HDX: variants seen among roughly 807,000 people sequenced by gnomAD.
The protein encoded by HDX is highly divergent homeobox.
HDX carries 19 observed loss-of-function variants against 45.2 expected under a neutral mutation model. The ratio of observed to expected loss-of-function variants is 0.42; its 90% CI spans 0.29 to 0.62. The LOEUF (loss-of-function observed/expected upper bound fraction) is 0.62. Among genes scored for constraint, HDX ranks in the 20% least tolerant of loss-of-function variants. HDX has a pLI of 0.20. For synonymous variants in HDX, 188 were observed against 172.8 expected (o/e 1.09, Z -0.69); for missense variants, 532 against 493.9 (o/e 1.08, Z -0.73).
At chrX:84,349,898 A>C (rs1342060731) in intron 6 of HDX, among the ~76,000 whole-genome samples, 1 of 109,735 alleles carries the variant, frequency 9.1e-6, no homozygotes, top group African/African-American at 3.3e-5. Flanking sequence ...AATAATAGAC[A>C]ATGAAAACTC....
intron 5 of HDX, among the ~76,000 whole-genome samples, chrX:84,398,056 A>G (rs891754873): frequency 9.1e-6 from 1 of 109,877 alleles, no homozygotes; most frequent in Admixed American, 9.8e-5. Context: ...AAGGAAGAGC[A>G]GTGTGGTGCG....
At position 84,340,293 on chromosome X, in the gene HDX, A is replaced by AT. The variant is rs779309008; in HGVS notation, c.1661-3414dup. Among the ~76,000 whole-genome samples, 339 of 111,080 alleles carry AT rather than the reference A, an allele frequency of 3.1e-3. 2 individuals carry two copies. The highest frequency in any genetic ancestry group is 0.011 in the African/African-American group (325 of 30,692). ...AAAATCTTAATTTTTGCTTATACAG[A>AT]TTTTTCTAGAATATTTTAATGTGAT... On this transcript the variant is annotated intron_variant, in intron 7 of 10. Coordinates refer to ENST00000373177, the MANE Select transcript of HDX (RefSeq NM_001177479.2).
At chrX:84,382,111 TC>T (rs770340421) in intron 5 of HDX, among the ~76,000 whole-genome samples, 2 of 111,609 alleles carry the variant, frequency 1.8e-5, no homozygotes, top group South Asian at 7.4e-4. Flanking sequence ...ACATCACTGA[TC>T]CTCAGAGAAA....
chrX:84,325,306 A>T (rs916115624), intron 10 of HDX, among the ~76,000 whole-genome samples: 1 of 111,285 alleles, frequency 9.0e-6, no homozygotes, highest in African/African-American at 3.3e-5. Flanking sequence ...TAAGAGATGA[A>T]TATTTGTACT....
chrX:84,464,824 T>C (rs188701890), intron 4 of HDX, among the ~76,000 whole-genome samples: 34 of 111,595 alleles, frequency 3.0e-4, no homozygotes, highest in Admixed American at 2.8e-3. Context: ...AATTGACAAA[T>C]GGCATCTAAT....
At chrX:84,374,021 G>T (rs79539058) in intron 5 of HDX, among the ~76,000 whole-genome samples, 25,537 of 107,812 alleles carry the variant, frequency 0.24, 2,883 homozygotes, top group Admixed American at 0.36. Flanking sequence ...CATTGTCTCA[G>T]CCCAAAATCT....
intron 2 of HDX, among the ~76,000 whole-genome samples, chrX:84,475,852 G>A (rs1288202400): frequency 9.0e-6 from 1 of 111,484 alleles, no homozygotes; most frequent in African/African-American, 3.3e-5. Context: ...TGGAACAAAA[G>A]GGTGCGTTTA....
chrX:84,402,164 A>G (rs141041157), intron 5 of HDX, among the ~76,000 whole-genome samples: 148 of 111,731 alleles, frequency 1.3e-3, no homozygotes, highest in African/African-American at 4.6e-3. Context: ...TACCTATGTA[A>G]CAAACCTGCA....
intron 7 of HDX, among the ~76,000 whole-genome samples, chrX:84,338,257 C>A (rs2037009121): frequency 9.1e-6 from 1 of 110,431 alleles, no homozygotes; most frequent in South Asian, 3.8e-4. Context: ...GAAAATCTTA[C>A]CAGAATTTTG....
chrX:84,425,002 G>C (rs1175924147), intron 5 of HDX, among the ~76,000 whole-genome samples: 1 of 111,082 alleles, frequency 9.0e-6, no homozygotes, highest in African/African-American at 3.3e-5. Flanking sequence ...GCACAGCAAA[G>C]GAAACAATCA....
At chrX:84,422,468 A>C (rs1475651364) in intron 5 of HDX, among the ~76,000 whole-genome samples, 1 of 110,826 alleles carries the variant, frequency 9.0e-6, no homozygotes, top group Non-Finnish European at 1.9e-5. Context: ...AGCAGAAGAG[A>C]TCAAATGCAA....
At position 84,319,483 on chromosome X, in the gene HDX, CT is replaced by C. The variant is rs1252565320; in HGVS notation, c.*2405del. 1.8e-5 allele frequency: 2 copies of C among 111,499 alleles called. No homozygotes were observed. Among genetic ancestry groups the C allele is most frequent in the African/African-American group, 6.5e-5 (2 of 30,895 alleles). The allele number at this position is 111,499 out of a possible 1,213,427, so 9.2% of individuals were successfully genotyped here. A position where few individuals can be genotyped will look rare whatever the true frequency, so the allele number is the denominator to read the frequency against. The stretch of plus-strand genomic sequence containing the variant: ...CTTTTTCTATAGATAGAGGTATTTC[CT>C]TCAGTTCCTGCTACAGAATAGCCAC... On this transcript the variant is annotated 3_prime_UTR_variant, in exon 11 of 11. Transcript: ENST00000373177.
Position 84,457,183 on chromosome X carries a change from A to G in HDX, c.1251+11289T>C, listed in dbSNP as rs1447150752. On this transcript the variant is annotated intron_variant, in intron 4 of 10. Transcript: ENST00000373177. ...AGTTTATTTTGACATAACTATGCTT[A>G]CAGAAGTACACACAAAGTATTTAAT... Among the ~76,000 whole-genome samples the G allele has an allele frequency of 4.5e-5, 5 of 111,627 alleles. No individual in the cohort carries two copies. The East Asian group carries it at 1.4e-3, about 31-fold the overall frequency.
At chrX:84,352,622 G>C (rs750707479) in intron 6 of HDX, among the ~76,000 whole-genome samples, 1 of 111,392 alleles carries the variant, frequency 9.0e-6, no homozygotes, top group Non-Finnish European at 1.9e-5. Context: ...TATCCTTTGT[G>C]TTACAAACAG....
At chrX:84,457,654 A>T (rs139692096) in intron 4 of HDX, among the ~76,000 whole-genome samples, 1,491 of 111,803 alleles carry the variant, frequency 0.013, 35 homozygotes, top group African/African-American at 0.047. Flanking sequence ...TCTTCATCTC[A>T]TGAGGTCAAC....
chrX:84,361,003 T>G (rs1211155820), intron 6 of HDX, among the ~76,000 whole-genome samples: 1 of 111,759 alleles, frequency 8.9e-6, no homozygotes, highest in Non-Finnish European at 1.9e-5. Flanking sequence ...GTTGTCAAAG[T>G]TGCTAAAATA....
intron 5 of HDX, among the ~76,000 whole-genome samples, chrX:84,438,920 C>G (rs1383191922): frequency 9.0e-6 from 1 of 111,477 alleles, no homozygotes; most frequent in Non-Finnish European, 1.9e-5. Context: ...ATTGCTGGGT[C>G]AAATGGTAGT....
intron 1 of HDX, among the ~76,000 whole-genome samples, chrX:84,497,125 T>C (rs759534546): frequency 2.1e-4 from 24 of 112,090 alleles, no homozygotes; most frequent in Non-Finnish European, 3.9e-4. Flanking sequence ...ACAATGATTG[T>C]AAATTTCCTG....
At chrX:84,385,098 T>C (rs928678769) in intron 5 of HDX, among the ~76,000 whole-genome samples, 8 of 109,530 alleles carry the variant, frequency 7.3e-5, no homozygotes, top group African/African-American at 2.7e-4. Context: ...TAGCACTGAC[T>C]GTTAATTGCT....
Sources: allele counts gnomAD v4.1 joint callset (sites outside exome capture counted in the v4.1 genomes callset), GRCh38; gene constraint gnomAD v4.1.1; transcripts MANE v1.5; gene names NCBI Gene and HGNC (gene_info 2026-07-23, HGNC 2026-07-21).